DOCK4: variants seen among roughly 807,000 people sequenced by gnomAD.
DOCK4 encodes dedicator of cytokinesis protein 4.
In DOCK4, 97 loss-of-function variants were observed where a neutral mutation model predicts 268.1. The observed-to-expected ratio is 0.36, with a 90% CI of 0.31 to 0.43. The LOEUF (loss-of-function observed/expected upper bound fraction) is 0.43. DOCK4 is among the 20% of genes least tolerant of loss of function. DOCK4 has a pLI of 1.00. For synonymous variants in DOCK4, 954 were observed against 887.2 expected (o/e 1.08, Z -1.34); for missense variants, 2,145 against 2,455.7 (o/e 0.87, Z 2.67).
rs150028886 is a variant in DOCK4 at position 112,082,683 on chromosome 7, A to T, written c.38-78552T>A. ...TAGTCAACTCACTCTCTCTCCTCAG[A>T]TTACATTACACTTAACGATTTAAGG... On this transcript the variant is annotated intron_variant, in intron 1 of 52. Transcript: ENST00000428084. 1.6e-3 allele frequency among the ~76,000 whole-genome samples: 239 copies of T among 152,294 alleles called. 3 individuals carry two copies. The East Asian group carries it at 0.035, about 22-fold the overall frequency.
chr7:111,860,388 C>A (rs1407281314), intron 23 of DOCK4, among the ~76,000 whole-genome samples: 2 of 152,192 alleles, frequency 1.3e-5, no homozygotes, highest in East Asian at 3.9e-4. Context: ...TTCTGCCCAG[C>A]CCATCTTATA....
At chr7:111,808,483 A>G (rs1349001851) in intron 30 of DOCK4, 2 of 225,366 alleles carry the variant, frequency 8.9e-6, no homozygotes, top group Non-Finnish European at 1.8e-5. Flanking sequence ...GCTTCAACTC[A>G]GAGTTCTAGA....
chr7:111,741,297 G>A (rs1470404704), intron 46 of DOCK4, 83 bp from the exon 47 acceptor site: 3 of 1,545,660 alleles, frequency 1.9e-6, no homozygotes, highest in Non-Finnish European at 2.6e-6. Flanking sequence ...GAAACCAAAG[G>A]GGGGAAAATA....
At chr7:111,861,211 G>A (rs1024798949) in intron 23 of DOCK4, among the ~76,000 whole-genome samples, 6 of 151,990 alleles carry the variant, frequency 3.9e-5, no homozygotes, top group African/African-American at 9.7e-5. Context: ...CAGCAGAGTT[G>A]GAAAACCACT....
chr7:112,028,329 T>G (rs1412775372), intron 1 of DOCK4, among the ~76,000 whole-genome samples: 1 of 152,236 alleles, frequency 6.6e-6, no homozygotes, highest in East Asian at 1.9e-4. Context: ...TCTTATATCT[T>G]CCTTACATAT....
chr7:111,910,577 T>C (rs936204650), intron 13 of DOCK4, among the ~76,000 whole-genome samples: 2 of 152,230 alleles, frequency 1.3e-5, no homozygotes, highest in Non-Finnish European at 2.9e-5. Context: ...AAGTAACATA[T>C]ATGGTTAAAA....
chr7:111,976,268 ATTAT>A (rs1390419215), intron 8 of DOCK4, among the ~76,000 whole-genome samples: 15 of 56,408 alleles, frequency 2.7e-4, no homozygotes, highest in African/African-American at 9.8e-4. Context: ...ATGTGTGTCT[ATTAT>A]ATATATATAT....
At chr7:112,066,722 T>C (rs192054280) in intron 1 of DOCK4, among the ~76,000 whole-genome samples, 3 of 97,530 alleles carry the variant, frequency 3.1e-5, no homozygotes, top group South Asian at 3.4e-4. Context: ...TATATATATA[T>C]ATATATATAT....
At chr7:111,970,394 G>A (rs1230168213) in intron 8 of DOCK4, among the ~76,000 whole-genome samples, 2 of 152,078 alleles carry the variant, frequency 1.3e-5, no homozygotes, top group African/African-American at 2.4e-5. Flanking sequence ...AGTATCCACT[G>A]TATAGAGTGT....
At position 111,976,179 on chromosome 7, in the gene DOCK4, C is replaced by T. The variant is rs55697024; in HGVS notation, c.701+953G>A. ...AAAAAAAAATATATATATATATATA[C>T]ACACACACACACGCACACACGCACA... On this transcript the variant is annotated intron_variant, in intron 8 of 52. Transcript: ENST00000428084. 7.5e-3 allele frequency among the ~76,000 whole-genome samples: 314 copies of T among 41,742 alleles called. 24 individuals carry two copies. The highest frequency in any genetic ancestry group is 0.03 in the African/African-American group (152 of 5,124). The allele number at this position is 41,742 out of a possible 152,430, so 27.4% of individuals were successfully genotyped here.
At position 111,727,102 on chromosome 7, in the gene DOCK4, A is replaced by G. The variant is rs1485647891; in HGVS notation, c.*1172T>C. On this transcript the variant is annotated 3_prime_UTR_variant, in exon 53 of 53. Coordinates refer to ENST00000428084, the MANE Select transcript of DOCK4 (RefSeq NM_001363540.2). ...GATATAAAATACATTACTACATACA[A>G]GGTGCTTTTTTCACACTTCTACAAC... The G allele has an allele frequency of 6.5e-6, 1 of 152,678 alleles. No individual in the cohort carries two copies. The allele number at this position is 152,678 out of a possible 1,614,324, so 9.5% of individuals were successfully genotyped here.
At chr7:112,067,818 A>G (rs1270846258) in intron 1 of DOCK4, among the ~76,000 whole-genome samples, 4 of 152,218 alleles carry the variant, frequency 2.6e-5, no homozygotes, top group Non-Finnish European at 5.9e-5. Flanking sequence ...TTACCACATT[A>G]CTGCCATGGA....
intron 1 of DOCK4, among the ~76,000 whole-genome samples, chr7:112,028,936 G>A (rs1432758395): frequency 6.6e-6 from 1 of 152,250 alleles, no homozygotes; most frequent in East Asian, 1.9e-4. Flanking sequence ...AATTAATGCT[G>A]TGGCTAGAAC....
chr7:111,751,430 A>C (rs1322755865), intron 42 of DOCK4, among the ~76,000 whole-genome samples: 2 of 152,144 alleles, frequency 1.3e-5, no homozygotes, highest in African/African-American at 4.8e-5. Context: ...TTCGAATAAT[A>C]GAGTAAAAAT....
At chr7:111,848,378 T>G (rs993479135) in intron 23 of DOCK4, among the ~76,000 whole-genome samples, 2 of 152,214 alleles carry the variant, frequency 1.3e-5, no homozygotes, top group Non-Finnish European at 2.9e-5. Flanking sequence ...GACCCCACGC[T>G]TGGTGAAAGC....
At chr7:111,838,414 C>T (rs1218183904) in intron 25 of DOCK4, among the ~76,000 whole-genome samples, 2 of 151,846 alleles carry the variant, frequency 1.3e-5, no homozygotes, top group Non-Finnish European at 2.9e-5. Flanking sequence ...AAATGTCTAC[C>T]AAGAGGTGAA....
Position 111,732,237 on chromosome 7 carries a change from A to T in DOCK4, c.5470T>A (p.Ser1824Thr). The change falls in exon 52 of 53, where the codon TCT becomes ACT. Residue 1824 changes from serine to threonine, a missense_variant. By Grantham distance (58) the Ser-to-Thr change is moderately conservative (BLOSUM62 1). Transcript: ENST00000428084. Reference protein sequence around the residue: ...TSVSPSPAGRSPLKGSVQSFT... With the variant: ...TSVSPSPAGRTPLKGSVQSFT... ...AGAAGGGCCTTTACCTTCAATGGAG[A>T]TCGCCCGGCAGGCGAGGGGGATACT... 1 of 1,613,958 alleles carries T rather than the reference A, an allele frequency of 6.2e-7. No individual in the cohort carries two copies. The highest frequency in any genetic ancestry group is 8.5e-7 in the Non-Finnish European group (1 of 1,179,862).
In DOCK4 at chr7:111,915,843, T is replaced by A. The variant is rs995628473; in HGVS notation, c.1128A>T (p.Ser376=). Residue 376 remains serine (S), a synonymous_variant, in exon 13 of 53, where the codon TCA becomes TCT. Transcript: ENST00000428084. ...TGGATACTCCATGAGAAAATACTGA[T>A]GAATATTCCCTTCTGATTTGTTCAA... ...GDIEQIRREY[S]SVFSHGVSIT... The A allele has an allele frequency of 1.9e-6, 3 of 1,612,488 alleles. No individual in the cohort carries two copies. The highest frequency in any genetic ancestry group is 2.5e-6 in the Non-Finnish European group (3 of 1,179,312).
intron 1 of DOCK4, among the ~76,000 whole-genome samples, chr7:112,113,319 G>A (rs1811834437): frequency 6.6e-6 from 1 of 152,104 alleles, no homozygotes; most frequent in African/African-American, 2.4e-5. Flanking sequence ...AGGAGGAGAG[G>A]GCAACTCTGC....
Sources: allele counts gnomAD v4.1 joint callset (sites outside exome capture counted in the v4.1 genomes callset), GRCh38; gene constraint gnomAD v4.1.1; transcripts MANE v1.5; gene names NCBI Gene and HGNC (gene_info 2026-07-23, HGNC 2026-07-21).